ADGRF5: variants seen among roughly 807,000 people sequenced by gnomAD.
The protein encoded by ADGRF5 is adhesion G protein-coupled receptor F5.
In ADGRF5, 75 loss-of-function variants were observed where a neutral mutation model predicts 132.3. The observed-to-expected ratio is 0.57, with a 90% CI of 0.47 to 0.69. ADGRF5 has a LOEUF of 0.69. Ranked by LOEUF, ADGRF5 falls within the 30% of genes least tolerant of loss-of-function variation. The pLI, the probability that ADGRF5 is intolerant of heterozygous loss-of-function variation, is 0.00. For missense variants in ADGRF5, 1,516 were observed against 1,630.6 expected (o/e 0.93, Z 1.21); for synonymous variants, 629 against 597.6 (o/e 1.05, Z -0.77).
intron 10 of ADGRF5, among the ~76,000 whole-genome samples, chr6:46,874,877 T>C (rs1470744916): frequency 6.6e-6 from 1 of 152,190 alleles, no homozygotes; most frequent in Non-Finnish European, 1.5e-5. Context: ...TGGAGACATT[T>C]TTGGTTGTTG....
chr6:46,940,015 T>A (rs1386340008), intron 1 of ADGRF5, among the ~76,000 whole-genome samples: 1 of 152,196 alleles, frequency 6.6e-6, no homozygotes, highest in Admixed American at 6.5e-5. Context: ...TGTGGATTTT[T>A]TTTTTCAATA....
At chr6:46,880,937 T>TAA (rs540532869) in intron 8 of ADGRF5, among the ~76,000 whole-genome samples, 1 of 145,344 alleles carries the variant, frequency 6.9e-6, no homozygotes, top group African/African-American at 2.5e-5. Context: ...CAAAAAATAA[T>TAA]AAAAAAAAAA....
At chr6:46,931,735 G>T (rs1269018230) in intron 1 of ADGRF5, among the ~76,000 whole-genome samples, 1 of 152,026 alleles carries the variant, frequency 6.6e-6, no homozygotes, top group African/African-American at 2.4e-5. Context: ...AAATATTTTT[G>T]GGCATATGAA....
intron 1 of ADGRF5, among the ~76,000 whole-genome samples, chr6:46,907,397 G>A (rs1381641056): frequency 6.6e-6 from 1 of 151,512 alleles, no homozygotes; most frequent in African/African-American, 2.4e-5. Flanking sequence ...TTGAGACAGG[G>A]TTTCACTCTA....
intron 2 of ADGRF5, among the ~76,000 whole-genome samples, chr6:46,905,009 C>T (rs149097349): frequency 1.0e-3 from 153 of 152,210 alleles, no homozygotes; most frequent in African/African-American, 3.5e-3. Flanking sequence ...ATCCCCTGAC[C>T]AGCCTTCACC....
intron 1 of ADGRF5, among the ~76,000 whole-genome samples, chr6:46,932,241 T>C (rs1777586729): frequency 6.6e-6 from 1 of 152,170 alleles, no homozygotes; most frequent in African/African-American, 2.4e-5. Context: ...TTTTGACCAT[T>C]AGTTTTAAAA....
In ADGRF5 at chr6:46,853,934, CT is replaced by C; in HGVS notation, c.*57del. On this transcript the variant is annotated 3_prime_UTR_variant, in exon 21 of 21. Coordinates refer to ENST00000283296, the MANE Select transcript of ADGRF5 (RefSeq NM_001098518.2). ...GTTCCCCATTGCTTTGCAAGCATCT[CT>C]TTTTAAAAGCACAGCCACTGTCCCC... 1 of 1,231,604 alleles carries C rather than the reference CT, an allele frequency of 8.1e-7. No homozygotes were observed. The highest frequency in any genetic ancestry group is 1.2e-6 in the Non-Finnish European group (1 of 859,472). 76.3% of individuals were successfully genotyped at this position (1,231,604 alleles called of 1,614,324 possible). A position where few individuals can be genotyped will look rare whatever the true frequency, so the allele number is the denominator to read the frequency against.
At chr6:46,925,908 GC>G (rs1428970176), upstream of ADGRF5, among the ~76,000 whole-genome samples, 4 of 152,156 alleles carry the variant, frequency 2.6e-5, no homozygotes, top group East Asian at 7.7e-4. Flanking sequence ...GGTAAGCCCT[GC>G]TTTTTTTTAT....
intron 1 of ADGRF5, among the ~76,000 whole-genome samples, chr6:46,917,595 A>G (rs1263115027): frequency 1.3e-5 from 2 of 152,222 alleles, no homozygotes; most frequent in Non-Finnish European, 2.9e-5. Context: ...AACACTGAGT[A>G]TGGTCCCTGG....
chr6:46,950,829 A>T (rs903249299), intron 1 of ADGRF5, among the ~76,000 whole-genome samples: 2 of 152,182 alleles, frequency 1.3e-5, no homozygotes, highest in Non-Finnish European at 2.9e-5. Flanking sequence ...GTGTTTTTTT[A>T]AAGGAACCTA....
At chr6:46,883,923 G>A (rs987399502) in intron 5 of ADGRF5, among the ~76,000 whole-genome samples, 172 bp downstream of exon 5, 7 of 152,142 alleles carry the variant, frequency 4.6e-5, no homozygotes, top group Admixed American at 2.6e-4. Flanking sequence ...TGCATTTTTA[G>A]TAGAGGCAGG....
Position 46,881,511 on chromosome 6 carries a change from T to C in ADGRF5, c.758A>G (p.Gln253Arg). The C allele has an allele frequency of 1.2e-6, 2 of 1,613,302 alleles. No individual in the cohort carries two copies. Among genetic ancestry groups the C allele is most frequent in the African/African-American group, 1.3e-5 (1 of 75,052 alleles). The part of the protein sequence containing the change: ...LIHKANEQVV[Q>R]SLNQTYKMDY... ...CATTTTGTAGGTCTGATTGAGGCTCTGTACAACTTGTTCATTGGCTTTATG... is the reference window on the plus strand; with the variant it reads ...CATTTTGTAGGTCTGATTGAGGCTCCGTACAACTTGTTCATTGGCTTTATG... Residue 253 changes from glutamine (Q) to arginine (R), a missense_variant, in exon 8 of 21, where the codon CAG becomes CGG. By Grantham distance (43) the Gln-to-Arg change is conservative. Coordinates refer to ENST00000283296, the MANE Select transcript of ADGRF5 (RefSeq NM_001098518.2).
In ADGRF5 at chr6:46,897,293, C is replaced by G. The variant is rs536655945; in HGVS notation, c.157+2736G>C. Among the ~76,000 whole-genome samples, 7 of 151,932 alleles carry G rather than the reference C, an allele frequency of 4.6e-5. No individual in the cohort carries two copies. In the South Asian group the frequency reaches 1.5e-3, roughly 32 times the overall value. On this transcript the variant is annotated intron_variant, in intron 3 of 20. Coordinates refer to ENST00000283296, the MANE Select transcript of ADGRF5 (RefSeq NM_001098518.2). ...TCCTATCTTTAAAGATGATTCTATT[C>G]CAAATGCTAAAGATTTTGTCCAGTG...
chr6:46,950,568 G>A (rs923700421), intron 1 of ADGRF5, among the ~76,000 whole-genome samples: 1 of 152,160 alleles, frequency 6.6e-6, no homozygotes, highest in Non-Finnish European at 1.5e-5. Flanking sequence ...AGGCTGGAGT[G>A]CAGTGGCACA....
intron 15 of ADGRF5, among the ~76,000 whole-genome samples, chr6:46,862,499 G>T (rs1015010710): frequency 6.6e-6 from 1 of 151,928 alleles, no homozygotes; most frequent in Non-Finnish European, 1.5e-5. Context: ...GATGAAGCTT[G>T]TTTTTTTATA....
At chr6:46,884,012 G>A in intron 5 of ADGRF5, 83 bp downstream of exon 5, 2 of 1,118,794 alleles carry the variant, frequency 1.8e-6, no homozygotes, top group Non-Finnish European at 2.7e-6. Flanking sequence ...AAAGTGCTGG[G>A]ATTACAGGCA....
chr6:46,874,794 G>T (rs1771460461), intron 10 of ADGRF5, among the ~76,000 whole-genome samples: 1 of 152,168 alleles, frequency 6.6e-6, no homozygotes, highest in African/African-American at 2.4e-5. Context: ...GCTCCACTTT[G>T]GTCTGCTTTA....
chr6:46,856,123 C>T (rs1769018743), intron 19 of ADGRF5, 65 bp from the exon 20 acceptor site: 1 of 900,426 alleles, frequency 1.1e-6, no homozygotes, highest in Non-Finnish European at 1.8e-6. Flanking sequence ...GTTTCCATCT[C>T]TAGAAGGATT....
chr6:46,856,135 A>T (rs1769020791), intron 19 of ADGRF5, 77 bp from the exon 20 acceptor site: 1 of 813,286 alleles, frequency 1.2e-6, no homozygotes. Context: ...AGAAGGATTG[A>T]TTTTCCACCC....
Sources: gnomAD v4.1 joint callset for allele counts (sites outside exome capture counted in the v4.1 genomes callset) on GRCh38, gnomAD v4.1.1 for gene constraint, MANE v1.5 for transcripts, NCBI Gene and HGNC (gene_info 2026-07-23, HGNC 2026-07-21) for gene names.